The following CNTNAP2 variants were observed in gnomAD, a reference collection of about 807,000 sequenced individuals.
The protein encoded by CNTNAP2 is contactin-associated protein-like 2.
CNTNAP2 carries 98 observed loss-of-function variants against 155.2 expected under a neutral mutation model. The ratio of observed to expected loss-of-function variants is 0.63; its 90% confidence interval spans 0.54 to 0.75. CNTNAP2 has a LOEUF of 0.75. Among genes scored for constraint, CNTNAP2 ranks in the 30% least tolerant of loss-of-function variants. CNTNAP2 has a pLI of 0.00. For synonymous variants in CNTNAP2, 651 were observed against 631.2 expected (o/e 1.03, Z -0.47); for missense variants, 1,727 against 1,688.1 (o/e 1.02, Z -0.40).
intron 13 of CNTNAP2, among the ~76,000 whole-genome samples, chr7:147,840,383 C>T (rs1184071504): frequency 6.6e-6 from 1 of 152,112 alleles, no homozygotes; most frequent in Non-Finnish European, 1.5e-5. Flanking sequence ...TGGAATGCAC[C>T]TTCTTCCCAG....
intron 13 of CNTNAP2, among the ~76,000 whole-genome samples, chr7:147,897,898 A>T (rs532336615): frequency 3.9e-5 from 6 of 152,192 alleles, no homozygotes; most frequent in Non-Finnish European, 8.8e-5. Context: ...GAAGCAAATG[A>T]CTTAAACATA....
At chr7:146,951,457 G>C (rs1237592323) in intron 3 of CNTNAP2, among the ~76,000 whole-genome samples, 1 of 152,032 alleles carries the variant, frequency 6.6e-6, no homozygotes, top group Non-Finnish European at 1.5e-5. Context: ...AATCCATCTT[G>C]AGTTAATTTT....
At chr7:146,791,812 A>G (rs1342083398) in intron 2 of CNTNAP2, among the ~76,000 whole-genome samples, 2 of 152,222 alleles carry the variant, frequency 1.3e-5, no homozygotes, top group African/African-American at 4.8e-5. Flanking sequence ...AATGCCAACA[A>G]TTTAAATTCA....
At chr7:147,578,433 T>C (rs1407871925) in intron 12 of CNTNAP2, among the ~76,000 whole-genome samples, 1 of 152,126 alleles carries the variant, frequency 6.6e-6, no homozygotes, top group African/African-American at 2.4e-5. Flanking sequence ...CCGGTTCAAT[T>C]TGTCTTTGGC....
At chr7:148,168,616 G>C (rs1805719094) in intron 17 of CNTNAP2, among the ~76,000 whole-genome samples, 1 of 151,738 alleles carries the variant, frequency 6.6e-6, no homozygotes, top group Admixed American at 6.6e-5. Flanking sequence ...AATGTTAAAT[G>C]ACAAGTTAAT....
intron 12 of CNTNAP2, among the ~76,000 whole-genome samples, chr7:147,586,523 G>GAAGAGGGAGGAAGGAA (rs772731379): frequency 2.4e-5 from 1 of 42,008 alleles, no homozygotes; most frequent in African/African-American, 1.5e-4. Flanking sequence ...AGAGAGAGAA[G>GAAGAGGGAGGAAGGAA]AGGAAGGAAG....
chr7:148,367,780 C>T lies in CNTNAP2; in HGVS notation c.3476-15869C>T, dbSNP rs183928818. Among the ~76,000 whole-genome samples the T allele has an allele frequency of 2.5e-3, 373 of 152,070 alleles. 2 individuals are homozygous for T. Among genetic ancestry groups the T allele is most frequent in the African/African-American group, 8.1e-3 (334 of 41,488 alleles). On this transcript the variant is annotated intron_variant, in intron 21 of 23. Transcript: ENST00000361727. ...CTCTCATCTGTTCTGAAACAAAGTA[C>T]GCAACATGTCACCAAGAGAAAATGA...
intron 9 of CNTNAP2, among the ~76,000 whole-genome samples, chr7:147,362,906 A>T (rs1049428239): frequency 2.0e-5 from 3 of 152,202 alleles, no homozygotes; most frequent in African/African-American, 2.4e-5. Context: ...TAAAAAAATC[A>T]AGAGTCAATT....
chr7:147,631,362 A>G (rs1584868067), intron 12 of CNTNAP2, among the ~76,000 whole-genome samples: 1 of 152,304 alleles, frequency 6.6e-6, no homozygotes, highest in African/African-American at 2.4e-5. Flanking sequence ...ACACAACCCA[A>G]TGCTCATGGA....
intron 9 of CNTNAP2, among the ~76,000 whole-genome samples, chr7:147,356,391 C>A (rs1287320824): frequency 6.6e-6 from 1 of 152,054 alleles, no homozygotes; most frequent in Non-Finnish European, 1.5e-5. Context: ...GATGGCCTCT[C>A]TCACCACTCC....
intron 1 of CNTNAP2, among the ~76,000 whole-genome samples, chr7:146,531,569 G>A (rs778147670): frequency 3.4e-4 from 52 of 151,974 alleles, no homozygotes; most frequent in Non-Finnish European, 5.4e-4. Flanking sequence ...GTATTGAGGC[G>A]GAGTCTCGCT....
intron 1 of CNTNAP2, among the ~76,000 whole-genome samples, chr7:146,126,266 G>A (rs1020815703): frequency 1.3e-5 from 2 of 152,074 alleles, no homozygotes; most frequent in East Asian, 3.8e-4. Flanking sequence ...TGTATATAAA[G>A]GAAAAAGCCT....
intron 1 of CNTNAP2, among the ~76,000 whole-genome samples, chr7:146,245,595 G>A (rs1206809471): frequency 6.6e-6 from 1 of 152,058 alleles, no homozygotes; most frequent in East Asian, 1.9e-4. Context: ...GGAAGGAAAG[G>A]AGTTGTTGTT....
chr7:146,396,001 G>A (rs1360083559), intron 1 of CNTNAP2, among the ~76,000 whole-genome samples: 10 of 152,020 alleles, frequency 6.6e-5, no homozygotes, highest in African/African-American at 2.4e-4. Flanking sequence ...ACAAATTTCA[G>A]ATAAGTTAAC....
intron 1 of CNTNAP2, among the ~76,000 whole-genome samples, chr7:146,405,459 C>T (rs1795777644): frequency 6.6e-6 from 1 of 152,096 alleles, no homozygotes; most frequent in African/African-American, 2.4e-5. Flanking sequence ...GTAGATATAG[C>T]CTGTCATCAC....
intron 8 of CNTNAP2, among the ~76,000 whole-genome samples, chr7:147,193,112 T>G (rs1802715596): frequency 6.6e-6 from 1 of 152,236 alleles, no homozygotes. Flanking sequence ...ATATTAGTAG[T>G]TAATTACTCG....
At chr7:147,812,107 A>G (rs891642481) in intron 13 of CNTNAP2, among the ~76,000 whole-genome samples, 5 of 152,094 alleles carry the variant, frequency 3.3e-5, no homozygotes. Flanking sequence ...GACATTTATG[A>G]GAGAGTTGGA....
At chr7:148,060,105 A>G (rs972107409) in intron 15 of CNTNAP2, among the ~76,000 whole-genome samples, 3 of 152,204 alleles carry the variant, frequency 2.0e-5, no homozygotes, top group African/African-American at 7.2e-5. Flanking sequence ...TCAACAAAGT[A>G]TTATAACTAA....
intron 4 of CNTNAP2, among the ~76,000 whole-genome samples, chr7:147,054,646 T>C (rs1414984005): frequency 6.6e-6 from 1 of 152,098 alleles, no homozygotes; most frequent in Non-Finnish European, 1.5e-5. Flanking sequence ...TTATCACCTA[T>C]TTAAATTAGC....
Sources: gnomAD v4.1 joint callset for allele counts (sites outside exome capture counted in the v4.1 genomes callset) on GRCh38, gnomAD v4.1.1 for gene constraint, MANE v1.5 for transcripts, NCBI Gene and HGNC (gene_info 2026-07-23, HGNC 2026-07-21) for gene names.